Variants in FBXO21 observed in about 807,000 individuals in gnomAD.
The protein encoded by FBXO21 is F-box only protein 21.
In FBXO21, 32 loss-of-function variants were observed where a neutral mutation model predicts 76.6. The ratio of observed to expected loss-of-function variants is 0.42; its 90% CI spans 0.32 to 0.56. The LOEUF is 0.56. Among genes scored for constraint, FBXO21 ranks in the 20% least tolerant of loss-of-function variants. FBXO21 has a pLI of 0.16. For synonymous variants in FBXO21, 328 were observed against 311.5 expected (o/e 1.05, Z -0.56); for missense variants, 586 against 797.3 (o/e 0.73, Z 3.19).
At chr12:117,164,228 T>C (rs1011558584) in intron 9 of FBXO21, among the ~76,000 whole-genome samples, 1 of 151,912 alleles carries the variant, frequency 6.6e-6, no homozygotes, top group Non-Finnish European at 1.5e-5. Context: ...ACATATATTC[T>C]GGGAGGACAT....
intron 2 of FBXO21, among the ~76,000 whole-genome samples, chr12:117,187,133 C>T (rs1365885376): frequency 1.3e-5 from 2 of 149,220 alleles, no homozygotes; most frequent in Non-Finnish European, 3.0e-5. Context: ...AATAAAAAGG[C>T]GGCGGCGGCA....
chr12:117,146,578 ACTAGAGACT>A (rs1398899017), intron 11 of FBXO21, among the ~76,000 whole-genome samples: 1 of 152,196 alleles, frequency 6.6e-6, no homozygotes, highest in Non-Finnish European at 1.5e-5. Context: ...GGACTGGCAA[ACTAGAGACT>A]CAACAGGTCT....
intron 9 of FBXO21, among the ~76,000 whole-genome samples, chr12:117,160,922 C>CT (rs1396956989): frequency 6.6e-6 from 1 of 152,258 alleles, no homozygotes; most frequent in Non-Finnish European, 1.5e-5. Flanking sequence ...GCATGAGCCA[C>CT]TGCACCTGGC....
intron 11 of FBXO21, chr12:117,154,963 G>GTTTC (rs1268527729): frequency 6.6e-6 from 1 of 152,178 alleles, no homozygotes; most frequent in African/African-American, 2.4e-5. Flanking sequence ...CTGTGCCTCA[G>GTTTC]TTTCCTCACC....
intron 11 of FBXO21, among the ~76,000 whole-genome samples, chr12:117,147,617 A>G (rs888222920): frequency 4.6e-5 from 7 of 151,246 alleles, no homozygotes; most frequent in Middle Eastern, 3.5e-3. Flanking sequence ...AAAAAAAAAA[A>G]AGAGATAATA....
chr12:117,171,434 T>C (rs184118151), intron 7 of FBXO21, among the ~76,000 whole-genome samples: 2 of 149,342 alleles, frequency 1.3e-5, no homozygotes, highest in East Asian at 3.9e-4. Context: ...GAGAAAGGGA[T>C]GAGGAAGAGT....
rs1283202951 is a variant in FBXO21, at chr12:117,174,814, A to G, written c.593-17T>C. 6.2e-7 allele frequency: 1 copy of G among 1,606,360 alleles called. No individual in the cohort carries two copies. The highest frequency in any genetic ancestry group is 8.5e-7 in the Non-Finnish European group (1 of 1,175,270). On this transcript the variant is annotated splice_polypyrimidine_tract_variant and intron_variant, in intron 4 of 11. Transcript: ENST00000622495. ...ATACAGCACCTGAAAATGAACAAGA[A>G]TTACCGAATAAATTCTCACGTTACC...
chr12:117,171,259 G>T (rs1398559119), intron 7 of FBXO21, among the ~76,000 whole-genome samples: 1 of 151,532 alleles, frequency 6.6e-6, no homozygotes, highest in Non-Finnish European at 1.5e-5. Flanking sequence ...TAGGGAGGCT[G>T]GGGTGGGAGG....
intron 3 of FBXO21, among the ~76,000 whole-genome samples, chr12:117,181,016 T>C (rs1592894949): frequency 2.6e-5 from 4 of 152,354 alleles, no homozygotes; most frequent in African/African-American, 9.6e-5. Context: ...TGACATGTCT[T>C]ACAGACGTTA....
chr12:117,173,427 A>G (rs12311466), intron 6 of FBXO21, among the ~76,000 whole-genome samples: 29,440 of 152,232 alleles, frequency 0.19, 3,233 homozygotes, highest in East Asian at 0.41. Flanking sequence ...AGACTGTTCC[A>G]AGGAAAAGTG....
At chr12:117,188,794 C>G (rs545864118) in intron 2 of FBXO21, 55 of 181,712 alleles carry the variant, frequency 3.0e-4, no homozygotes, top group African/African-American at 1.3e-3. Context: ...TGGGTAGAAC[C>G]TGCAAAGCCA....
intron 6 of FBXO21, among the ~76,000 whole-genome samples, chr12:117,173,184 A>G (rs1280792219): frequency 1.3e-5 from 2 of 152,112 alleles, no homozygotes; most frequent in African/African-American, 4.8e-5. Flanking sequence ...AACCGCCACC[A>G]TGCCTGGCTA....
chr12:117,189,123 C>T, intron 2 of FBXO21, 104 bp downstream of exon 2: 1 of 1,277,210 alleles, frequency 7.8e-7, no homozygotes, highest in Non-Finnish European at 1.1e-6. Flanking sequence ...ATTGTGAGAG[C>T]ATTGAAAAGG....
chr12:117,189,720 G>C (rs559157143), intron 1 of FBXO21, among the ~76,000 whole-genome samples: 1 of 152,212 alleles, frequency 6.6e-6, no homozygotes, highest in East Asian at 1.9e-4. Flanking sequence ...TGAAAGGTAG[G>C]TCTAATGATC....
At chr12:117,154,471 C>A (rs1457712045) in intron 11 of FBXO21, among the ~76,000 whole-genome samples, 1 of 152,202 alleles carries the variant, frequency 6.6e-6, no homozygotes, top group Non-Finnish European at 1.5e-5. Flanking sequence ...CTGTAGCCTT[C>A]ACTTCCCAGG....
Position 117,146,256 on chromosome 12 carries a change from T to G in FBXO21, c.1697A>C (p.Glu566Ala). ...GTCAGGGTGTGAGATTTCTTGAGGCTCCACGTTATATTCCAAGTTTTCTGT... is the reference window on the plus strand; with the variant it reads ...GTCAGGGTGTGAGATTTCTTGAGGCGCCACGTTATATTCCAAGTTTTCTGT... ...AAQENLEYNV[E>A]PQEISHPDVG... The change falls in exon 12 of 12, where the codon GAG (glutamate) becomes GCG (alanine). Residue 566 changes from glutamate to alanine, a missense_variant. This residue lies in a region of FBXO21 where 164 missense variants were observed against 236.7 expected (regional missense o/e 0.69). Coordinates refer to ENST00000622495, the MANE Select transcript of FBXO21 (RefSeq NM_015002.3). 6.2e-7 allele frequency: 1 copy of G among 1,607,418 alleles called. No homozygotes were observed. The highest frequency in any genetic ancestry group is 8.5e-7 in the Non-Finnish European group (1 of 1,178,062).
chr12:117,148,201 T>TGAGAATATGTTGTTTTAGGC (rs1460534282), intron 11 of FBXO21, among the ~76,000 whole-genome samples: 2 of 152,068 alleles, frequency 1.3e-5, no homozygotes, highest in African/African-American at 4.8e-5. Context: ...TGAAGAAATG[T>TGAGAATATGTTGTTTTAGGC]GAGAATATGT....
chr12:117,170,833 T>C (rs1214668885), intron 7 of FBXO21, among the ~76,000 whole-genome samples: 2 of 152,176 alleles, frequency 1.3e-5, no homozygotes, highest in Admixed American at 1.3e-4. Context: ...TGGTGGATTA[T>C]TACATAGGCA....
intron 4 of FBXO21, 110 bp from the exon 5 acceptor site, chr12:117,174,907 G>T: frequency 1.8e-6 from 2 of 1,109,550 alleles, no homozygotes; most frequent in Non-Finnish European, 1.3e-6. Flanking sequence ...CATCCCACTG[G>T]ACAAGCTTCA....
Sources: gnomAD v4.1 joint callset for allele counts (sites outside exome capture counted in the v4.1 genomes callset) on GRCh38, gnomAD v4.1.1 for gene constraint, gnomAD v4.1.1 regional missense constraint, MANE v1.5 for transcripts, NCBI Gene and HGNC (gene_info 2026-07-23, HGNC 2026-07-21) for gene names.